Variants in FARS2 observed in about 807,000 individuals in gnomAD.
FARS2 encodes phenylalanyl-tRNA synthetase 2, mitochondrial, also known as phenylalanine--tRNA ligase, mitochondrial.
In FARS2, 40 loss-of-function variants were observed where a neutral mutation model predicts 46.4. That is an observed-to-expected ratio of 0.86 (90% confidence interval 0.67 to 1.12). The LOEUF is 1.12. Ranked by LOEUF, FARS2 falls within the 50% of genes most tolerant of loss-of-function variation. The pLI is 0.00. For missense variants in FARS2, 513 were observed against 567.9 expected, an observed-to-expected ratio of 0.90 and a Z score of 0.98; for synonymous variants, 234 against 214.9, an observed-to-expected ratio of 1.09 and a Z score of -0.78.
chr6:5,592,875 C>T (rs577529901), intron 5 of FARS2, among the ~76,000 whole-genome samples: 4 of 152,328 alleles, frequency 2.6e-5, no homozygotes, highest in South Asian at 4.1e-4. Context: ...GGTACCCAGG[C>T]CTCTTGAAGT....
chr6:5,589,416 G>C (rs1352978596), intron 5 of FARS2, among the ~76,000 whole-genome samples: 2 of 152,246 alleles, frequency 1.3e-5, no homozygotes, highest in Non-Finnish European at 2.9e-5. Flanking sequence ...ATGCTTATCA[G>C]AGGACAGAGC....
At chr6:5,619,658 C>T (rs77058551) in intron 6 of FARS2, among the ~76,000 whole-genome samples, 60 of 151,780 alleles carry the variant, frequency 4.0e-4, no homozygotes, top group African/African-American at 1.5e-3. Context: ...CACTTGTGAC[C>T]ATGTCTGACA....
At chr6:5,537,543 T>A (rs184511412) in intron 4 of FARS2, among the ~76,000 whole-genome samples, 30 of 115,138 alleles carry the variant, frequency 2.6e-4, no homozygotes, top group African/African-American at 9.4e-4. Context: ...CCGGGCCTCC[T>A]CTCGAGTTGG....
intron 6 of FARS2, among the ~76,000 whole-genome samples, chr6:5,688,794 A>G (rs545560771): frequency 6.6e-6 from 1 of 152,242 alleles, no homozygotes; most frequent in South Asian, 2.1e-4. Flanking sequence ...TCCTCCTTGT[A>G]TGTCTGGTAG....
chr6:5,305,763 C>T (rs1768656104), intron 1 of FARS2, among the ~76,000 whole-genome samples: 2 of 152,098 alleles, frequency 1.3e-5, no homozygotes, highest in South Asian at 2.1e-4. Flanking sequence ...CCACTATAGC[C>T]CCTACAAGTG....
At position 5,771,356 on chromosome 6, in the gene FARS2, G is replaced by A; in HGVS notation, c.1283G>A (p.Arg428Lys). 6.2e-7 allele frequency: 1 copy of A among 1,614,206 alleles called. No homozygotes were observed. Among genetic ancestry groups the A allele is most frequent in the Non-Finnish European group, 8.5e-7 (1 of 1,180,022 alleles). ...YRHMERTLSQ[R>K]EVRHIHQALQ... ...CACATGGAACGGACTCTGTCCCAGAGAGAGGTCAGGCACATCCACCAGGCC... is the reference window on the plus strand; with the variant it reads ...CACATGGAACGGACTCTGTCCCAGAAAGAGGTCAGGCACATCCACCAGGCC... Residue 428 changes from arginine (R) to lysine (K), a missense_variant, in exon 7 of 7, where the codon AGA (arginine) becomes AAA (lysine). By Grantham distance (26) the Arg-to-Lys change is conservative. Transcript: ENST00000274680.
upstream of FARS2, chr6:5,260,537 G>GCCGGCAAACCACGGTGGCTCCCAGTCC (rs1764994251): frequency 7.1e-7 from 1 of 1,416,082 alleles, no homozygotes; most frequent in South Asian, 1.3e-5. Flanking sequence ...CCTCGCAGCC[G>GCCGGCAAACCACGGTGGCTCCCAGTCC]CCGGCAAACC....
chr6:5,312,619 A>C (rs1449795566), intron 1 of FARS2, among the ~76,000 whole-genome samples: 1 of 152,222 alleles, frequency 6.6e-6, no homozygotes, highest in Non-Finnish European at 1.5e-5. Flanking sequence ...TAGAAAGTGC[A>C]GGGCTCTCTC....
chr6:5,543,027 T>C (rs1770727841), intron 4 of FARS2, among the ~76,000 whole-genome samples: 1 of 152,216 alleles, frequency 6.6e-6, no homozygotes, highest in Non-Finnish European at 1.5e-5. Flanking sequence ...ATGACCCATG[T>C]ACACTTGAAA....
chr6:5,716,930 A>G (rs1427064212), intron 6 of FARS2, among the ~76,000 whole-genome samples: 1 of 152,070 alleles, frequency 6.6e-6, no homozygotes, highest in Non-Finnish European at 1.5e-5. Flanking sequence ...TTGTGTGGAG[A>G]CTTCATTGGA....
At chr6:5,499,289 A>G (rs1355210123) in intron 4 of FARS2, among the ~76,000 whole-genome samples, 3 of 152,138 alleles carry the variant, frequency 2.0e-5, no homozygotes, top group Admixed American at 2.0e-4. Flanking sequence ...TTGGGAGTAG[A>G]AAGAAGGGAA....
intron 6 of FARS2, among the ~76,000 whole-genome samples, chr6:5,731,414 C>T (rs1323456613): frequency 6.6e-6 from 1 of 152,156 alleles, no homozygotes; most frequent in Non-Finnish European, 1.5e-5. Flanking sequence ...GAGACCGTGG[C>T]CCCAGATCCT....
At chr6:5,475,489 A>G (rs908634850) in intron 4 of FARS2, among the ~76,000 whole-genome samples, 2 of 152,322 alleles carry the variant, frequency 1.3e-5, no homozygotes, top group African/African-American at 4.8e-5. Context: ...AAGACGTTGC[A>G]TGAAGCATGT....
At chr6:5,730,478 A>G (rs983475026) in intron 6 of FARS2, among the ~76,000 whole-genome samples, 16 of 152,106 alleles carry the variant, frequency 1.1e-4, no homozygotes, top group Non-Finnish European at 7.4e-5. Context: ...CGAGTCCTAG[A>G]TCTATTTATG....
chr6:5,273,029 G>A (rs1487877655), intron 1 of FARS2, among the ~76,000 whole-genome samples: 1 of 152,074 alleles, frequency 6.6e-6, no homozygotes, highest in Non-Finnish European at 1.5e-5. Flanking sequence ...GTCTTTTTAT[G>A]CCACATTTTC....
the FARS2 span, among the ~76,000 whole-genome samples, chr6:5,255,840 G>A: frequency 2.0e-5 from 3 of 152,068 alleles, no homozygotes; most frequent in South Asian, 2.1e-4. Context: ...AACCAAAAAC[G>A]TCTTCAGATA....
At chr6:5,562,622 AC>A (rs1772052935) in intron 5 of FARS2, among the ~76,000 whole-genome samples, 2 of 151,698 alleles carry the variant, frequency 1.3e-5, no homozygotes, top group South Asian at 4.2e-4. Flanking sequence ...GCCCATTCCC[AC>A]AGATGTATAT....
At chr6:5,671,056 C>T (rs558528639) in intron 6 of FARS2, among the ~76,000 whole-genome samples, 7 of 152,210 alleles carry the variant, frequency 4.6e-5, no homozygotes, top group African/African-American at 1.7e-4. Context: ...TAGGTAATTA[C>T]TTTCTGCCTT....
At chr6:5,532,708 G>A (rs1769921747) in intron 4 of FARS2, among the ~76,000 whole-genome samples, 1 of 152,046 alleles carries the variant, frequency 6.6e-6, no homozygotes. Flanking sequence ...CCAAGATTGT[G>A]CCATTGCACT....
Sources: allele counts gnomAD v4.1 joint callset (sites outside exome capture counted in the v4.1 genomes callset), GRCh38; gene constraint gnomAD v4.1.1; transcripts MANE v1.5; gene names NCBI Gene and HGNC (gene_info 2026-07-23, HGNC 2026-07-21).